CCR6: variants seen among roughly 807,000 people sequenced by gnomAD.
The protein encoded by CCR6 is C-C motif chemokine receptor 6, also known as C-C chemokine receptor type 6.
In CCR6, 2 loss-of-function variants were observed where a neutral mutation model predicts 3.0. The observed-to-expected ratio is 0.66, with a 90% CI of 0.27 to 2.07. The LOEUF is 2.07. CCR6 is among the 30% of genes most tolerant of loss of function. The pLI, the probability that CCR6 is intolerant of heterozygous loss-of-function variation, is 0.14. For synonymous variants in CCR6, 193 were observed against 184.3 expected (o/e 1.05, Z -0.38); for missense variants, 322 against 462.8 (o/e 0.70, Z 2.79).
At chr6:167,135,022 C>T (rs1781828613) in intron 1 of CCR6, 1 of 152,300 alleles carries the variant, frequency 6.6e-6, no homozygotes, top group African/African-American at 2.4e-5. Context: ...TAAACTTCTT[C>T]AGCCTGGACC....
upstream of CCR6, among the ~76,000 whole-genome samples, chr6:167,121,281 A>G (rs557236221): frequency 3.3e-5 from 5 of 152,364 alleles, no homozygotes; most frequent in Admixed American, 1.3e-4. Context: ...GTTTTGTTCA[A>G]CACGTTACAT....
chr6:167,131,844 T>C (rs914759607), intron 1 of CCR6, among the ~76,000 whole-genome samples: 11 of 152,226 alleles, frequency 7.2e-5, no homozygotes, highest in African/African-American at 2.7e-4. Flanking sequence ...TTATTGAGGC[T>C]AATTTATATG....
rs550452558 is a variant in CCR6, at chr6:167,112,883, C to T, written c.-98+869C>T. On this transcript the variant is annotated intron_variant, in intron 1 of 2. Coordinates refer to the CCR6 transcript ENST00000400926. Reference sequence around the variant, plus strand: ...GTCTGCTTCAAGAGAATTCTTGATGCTGCAATGCATCAGAAGGAGTTCTAG... The same window carrying T: ...GTCTGCTTCAAGAGAATTCTTGATGTTGCAATGCATCAGAAGGAGTTCTAG... Among the ~76,000 whole-genome samples, 27 of 152,232 alleles carry T rather than the reference C, an allele frequency of 1.8e-4. 1 individual carries two copies. The highest frequency in any genetic ancestry group is 6.8e-3 in the Middle Eastern group (2 of 294).
chr6:167,133,932 G>GTGTATGTATATATATATATA (rs1183741225), intron 1 of CCR6, among the ~76,000 whole-genome samples: 2 of 110,338 alleles, frequency 1.8e-5, no homozygotes, highest in South Asian at 2.9e-4. Flanking sequence ...ATATATGTGT[G>GTGTATGTATATATATATATA]TATATATATA....
chr6:167,136,214 TA>T lies in CCR6; in HGVS notation c.10-24del. ...GGCTACTTGAACACTACACTGCAGC[TA>T]ACTCTATCTTTGTTTCCTTTCCAGG... On this transcript the variant is annotated intron_variant, in intron 2 of 2. Coordinates refer to ENST00000341935, the MANE Select transcript of CCR6 (RefSeq NM_031409.4). The surrounding 1 kb of genome is among the most constrained non-coding windows in gnomAD (Gnocchi z 4.6). 6.2e-7 allele frequency: 1 copy of T among 1,608,580 alleles called. No individual in the cohort carries two copies. The highest frequency in any genetic ancestry group is 1.3e-5 in the African/African-American group (1 of 74,838).
chr6:167,135,262 C>T (rs1025819537), intron 1 of CCR6, among the ~76,000 whole-genome samples: 2 of 152,356 alleles, frequency 1.3e-5, no homozygotes, highest in East Asian at 1.9e-4. Flanking sequence ...ATCAGAGCCT[C>T]CTCCTCCAGG....
intron 1 of CCR6, among the ~76,000 whole-genome samples, chr6:167,117,415 C>CTTTTTTTTTTTTTTTTTTTT (rs35058463): frequency 1.4e-4 from 15 of 109,890 alleles, no homozygotes; most frequent in Middle Eastern, 4.9e-3. Context: ...TTTTTTTTTT[C>CTTTTTTTTTTTTTTTTTTTT]TTTTTTTTTT....
intron 1 of CCR6, among the ~76,000 whole-genome samples, chr6:167,132,135 C>G (rs907563198): frequency 6.6e-6 from 1 of 152,274 alleles, no homozygotes; most frequent in Admixed American, 6.5e-5. Context: ...TTGAGTCACC[C>G]CCGTTGGAGC....
chr6:167,130,815 A>G (rs1781741189), intron 1 of CCR6, among the ~76,000 whole-genome samples: 1 of 151,720 alleles, frequency 6.6e-6, no homozygotes, highest in African/African-American at 2.4e-5. Flanking sequence ...AAGGAAATTA[A>G]AGTAGTGTCT....
chr6:167,129,673 A>G (rs1474517914), intron 1 of CCR6: 1 of 151,698 alleles, frequency 6.6e-6, no homozygotes, highest in Non-Finnish European at 1.5e-5. Context: ...TCTTCAGAAC[A>G]TGTGATAAAG....
chr6:167,135,907 T>C (rs1021730684), intron 1 of CCR6, 131 bp from the exon 2 acceptor site: 6 of 524,170 alleles, frequency 1.1e-5, no homozygotes, highest in Admixed American at 1.1e-4. Context: ...CTATTCTCAA[T>C]GAATATTTGT....
chr6:167,117,288 T>C (rs1781509233), intron 1 of CCR6, among the ~76,000 whole-genome samples: 1 of 151,824 alleles, frequency 6.6e-6, no homozygotes, highest in African/African-American at 2.4e-5. Flanking sequence ...CTGCATCTTA[T>C]GTCAGAAGAG....
At chr6:167,133,932 G>GTGTGTGTATGTA (rs1183741225) in intron 1 of CCR6, among the ~76,000 whole-genome samples, 20 of 110,396 alleles carry the variant, frequency 1.8e-4, no homozygotes, top group Admixed American at 8.9e-4. Context: ...ATATATGTGT[G>GTGTGTGTATGTA]TATATATATA....
At chr6:167,124,056 G>A (rs1039351876) in intron 1 of CCR6, among the ~76,000 whole-genome samples, 1 of 152,144 alleles carries the variant, frequency 6.6e-6, no homozygotes, top group Non-Finnish European at 1.5e-5. Context: ...AGGTTGCAGT[G>A]AGCCGAGATC....
At chr6:167,134,915 G>C (rs1471920778) in intron 1 of CCR6, 1 of 152,236 alleles carries the variant, frequency 6.6e-6, no homozygotes, top group Admixed American at 6.5e-5. Context: ...ATAGCGAAGG[G>C]TTTTTCTTTC....
exon 1 of CCR6, chr6:167,111,918 T>C (rs947036078): frequency 1.3e-5 from 2 of 152,338 alleles, no homozygotes; most frequent in African/African-American, 4.8e-5. Context: ...CACGTGTATA[T>C]GCTGGTGAAC....
rs145107058 is a variant in CCR6, at chr6:167,126,957, C to T, written c.-98+3734C>T. ...GTCAGTTTCCTGAGGCCTCCCCAGCCATGCTGAACTGAGTCAATTAAACCT... is the reference window on the plus strand; with the variant it reads ...GTCAGTTTCCTGAGGCCTCCCCAGCTATGCTGAACTGAGTCAATTAAACCT... On this transcript the variant is annotated intron_variant, in intron 1 of 2. Coordinates refer to ENST00000341935, the MANE Select transcript of CCR6 (RefSeq NM_031409.4). Among the ~76,000 whole-genome samples the T allele has an allele frequency of 3.2e-3, 481 of 152,290 alleles. 1 individual carries two copies. Among genetic ancestry groups the T allele is most frequent in the African/African-American group, 0.011 (466 of 41,552 alleles).
intron 1 of CCR6, among the ~76,000 whole-genome samples, chr6:167,114,600 A>G (rs1781465820): frequency 6.6e-6 from 1 of 152,234 alleles, no homozygotes; most frequent in Non-Finnish European, 1.5e-5. Context: ...GGAGATGAGC[A>G]GGGCCCCCTT....
chr6:167,126,352 GA>G (rs1347264911), intron 1 of CCR6: 1 of 152,230 alleles, frequency 6.6e-6, no homozygotes, highest in Non-Finnish European at 1.5e-5. Flanking sequence ...TGTCCACAAA[GA>G]GAAGAGAATC....
Sources: gnomAD v4.1 joint callset for allele counts (sites outside exome capture counted in the v4.1 genomes callset) on GRCh38, gnomAD v4.1.1 for gene constraint, Gnocchi (gnomAD v3.1) non-coding constraint, MANE v1.5 for transcripts, NCBI Gene and HGNC (gene_info 2026-07-23, HGNC 2026-07-21) for gene names.